Variants in RP1 observed in about 807,000 individuals in gnomAD.
RP1 encodes the protein RP1 axonemal microtubule associated.
Under a neutral mutation model 14.8 loss-of-function variants are expected in RP1, and 16 were observed. The ratio of observed to expected loss-of-function variants is 1.08; its 90% CI spans 0.73 to 1.65. The LOEUF is 1.65. Among genes scored for constraint, RP1 ranks in the 40% most tolerant of loss-of-function variants. RP1 has a pLI of 0.00. For missense variants in RP1, 2,631 were observed against 2,535.0 expected (o/e 1.04, Z -0.81); for synonymous variants, 876 against 883.6 (o/e 0.99, Z 0.15).
intron 22 of RP1, among the ~76,000 whole-genome samples, chr8:54,764,251 G>A (rs986484793): frequency 6.6e-6 from 1 of 152,242 alleles, no homozygotes; most frequent in African/African-American, 2.4e-5. Flanking sequence ...AGCTGGCCTT[G>A]GCCACACAGC....
intron 15 of RP1, among the ~76,000 whole-genome samples, chr8:54,713,480 A>G (rs565467389): frequency 1.2e-4 from 18 of 152,346 alleles, no homozygotes; most frequent in African/African-American, 4.1e-4. Flanking sequence ...GCACACAGAC[A>G]TACCCCACAC....
At chr8:54,633,737 C>CTATATA (rs59614361), downstream of RP1, among the ~76,000 whole-genome samples, 1,078 of 118,720 alleles carry the variant, frequency 9.1e-3, 6 homozygotes, top group East Asian at 0.013. Context: ...CTCTCTCTCT[C>CTATATA]TATATATATA....
chr8:54,853,749 A>C (rs564600985), intron 26 of RP1, among the ~76,000 whole-genome samples: 8 of 150,206 alleles, frequency 5.3e-5, no homozygotes, highest in African/African-American at 1.7e-4. Flanking sequence ...AGAAAGAAAG[A>C]AAGAGAGAGA....
intron 26 of RP1, among the ~76,000 whole-genome samples, chr8:54,854,118 C>G (rs1352554745): frequency 1.3e-5 from 2 of 152,066 alleles, no homozygotes; most frequent in Non-Finnish European, 2.9e-5. Context: ...TAATATCAAT[C>G]AAAATCTCAG....
At chr8:54,720,453 A>T (rs1277736653) in intron 16 of RP1, 1 of 732,048 alleles carries the variant, frequency 1.4e-6, no homozygotes, top group African/African-American at 1.8e-5. Flanking sequence ...ATGGAAGGAA[A>T]ACATAATGAA....
intron 25 of RP1, among the ~76,000 whole-genome samples, chr8:54,842,525 AG>A (rs1433013970): frequency 6.6e-6 from 1 of 152,160 alleles, no homozygotes; most frequent in Admixed American, 6.5e-5. Context: ...CCAATCACAG[AG>A]GAGGCATTCA....
chr8:54,612,508 A>G (rs1563325527), upstream of RP1, among the ~76,000 whole-genome samples: 1 of 152,232 alleles, frequency 6.6e-6, no homozygotes, highest in Non-Finnish European at 1.5e-5. Context: ...AACTTCAGAC[A>G]GTTTCTGCTA....
intron 22 of RP1, among the ~76,000 whole-genome samples, chr8:54,761,902 G>A (rs1183867624): frequency 6.6e-6 from 1 of 152,102 alleles, no homozygotes; most frequent in Non-Finnish European, 1.5e-5. Context: ...ATAGAACTTG[G>A]GGCACAGCAG....
intron 1 of RP1, among the ~76,000 whole-genome samples, chr8:54,580,296 ACTT>A (rs1340852607): frequency 2.9e-5 from 4 of 138,728 alleles, no homozygotes; most frequent in South Asian, 2.3e-4. Context: ...TGTATCGTAG[ACTT>A]CTTTTTTTTT....
chr8:54,699,445 A>G, intron 12 of RP1: 3 of 1,258,906 alleles, frequency 2.4e-6, no homozygotes, highest in Non-Finnish European at 3.1e-6. Flanking sequence ...TTGCTTTCTA[A>G]TACTTTAAAA....
At chr8:54,781,992 A>G (rs942224904) in intron 23 of RP1, among the ~76,000 whole-genome samples, 13 of 152,194 alleles carry the variant, frequency 8.5e-5, no homozygotes, top group African/African-American at 2.9e-4. Context: ...TGATAGCATG[A>G]CAGCAGGCCC....
intron 19 of RP1, chr8:54,739,151 G>T (rs539274969): frequency 1.1e-4 from 59 of 542,160 alleles, no homozygotes; most frequent in Admixed American, 4.2e-4. Context: ...TTACAGTGGG[G>T]TTATGCCTCT....
At chr8:54,845,045 G>C (rs368665171) in intron 25 of RP1, among the ~76,000 whole-genome samples, 20 of 152,352 alleles carry the variant, frequency 1.3e-4, no homozygotes, top group African/African-American at 4.8e-4. Flanking sequence ...GTCAGAGTCT[G>C]GGAAGCGAAA....
At chr8:54,824,095 T>C (rs1811326663) in intron 24 of RP1, among the ~76,000 whole-genome samples, 1 of 151,814 alleles carries the variant, frequency 6.6e-6, no homozygotes, top group Non-Finnish European at 1.5e-5. Flanking sequence ...AAAATATCTC[T>C]ATATCATTTG....
rs1046339181 is a variant in RP1 at position 54,811,254 on chromosome 8, C to T, written c.3616-26196C>T. Among the ~76,000 whole-genome samples, 7 of 152,154 alleles carry T rather than the reference C, an allele frequency of 4.6e-5. 1 individual carries two copies. Among genetic ancestry groups the T allele is most frequent in the African/African-American group, 1.4e-4 (6 of 41,432 alleles). The stretch of plus-strand genomic sequence containing the variant: ...CCAACTCAAGCCAGGCCTGTCTTCC[C>T]ATGTCTGCACTTCACCAGCATCCTT... On this transcript the variant is annotated intron_variant, in intron 24 of 28. Transcript: ENST00000637698.
At chr8:54,701,429 C>T (rs926419395) in intron 13 of RP1, 2 of 1,432,538 alleles carry the variant, frequency 1.4e-6, no homozygotes, top group Admixed American at 2.7e-5. Context: ...AATGTGATTA[C>T]ATTAAATTTT....
chr8:54,604,753 T>C (rs1462333151), intron 1 of RP1, among the ~76,000 whole-genome samples: 4 of 152,228 alleles, frequency 2.6e-5, no homozygotes, highest in African/African-American at 9.6e-5. Context: ...AACTTCTTCC[T>C]GGTTTAGTCT....
At chr8:54,824,571 T>C (rs1448489932) in intron 24 of RP1, among the ~76,000 whole-genome samples, 1 of 152,234 alleles carries the variant, frequency 6.6e-6, no homozygotes, top group Non-Finnish European at 1.5e-5. Context: ...AAGCCATTAT[T>C]ACCTTGATCA....
chr8:54,587,734 A>G (rs188140399), intron 1 of RP1, among the ~76,000 whole-genome samples: 1 of 152,356 alleles, frequency 6.6e-6, no homozygotes, highest in East Asian at 1.9e-4. Context: ...CAAACCCTTG[A>G]GAATGAGCTA....
Sources: gnomAD v4.1 joint callset for allele counts (sites outside exome capture counted in the v4.1 genomes callset) on GRCh38, gnomAD v4.1.1 for gene constraint, MANE v1.5 for transcripts, NCBI Gene and HGNC (gene_info 2026-07-23, HGNC 2026-07-21) for gene names.